The following CADPS variants were observed in gnomAD, a reference collection of about 807,000 sequenced individuals.
CADPS encodes calcium dependent secretion activator.
A neutral mutation model predicts 167.3 loss-of-function variants in CADPS; 57 were observed. That is an observed-to-expected ratio of 0.34 (90% CI 0.28 to 0.42). The LOEUF (loss-of-function observed/expected upper bound fraction) is 0.42, where lower values mean the gene tolerates loss of function less well. CADPS is among the 20% of genes least tolerant of loss of function. The pLI, the probability that CADPS is intolerant of heterozygous loss-of-function variation, is 1.00. For missense variants in CADPS, 1,414 were observed against 1,738.1 expected (o/e 0.81, Z 3.32); for synonymous variants, 676 against 635.3 (o/e 1.06, Z -0.96).
intron 10 of CADPS, among the ~76,000 whole-genome samples, chr3:62,557,139 A>G (rs896422790): frequency 1.4e-4 from 21 of 151,978 alleles, no homozygotes; most frequent in African/African-American, 5.1e-4. Flanking sequence ...GGATACAGGC[A>G]GGTAAAAGAA....
At chr3:62,766,699 T>C (rs78454485) in intron 1 of CADPS, among the ~76,000 whole-genome samples, 2,969 of 152,296 alleles carry the variant, frequency 0.019, 50 homozygotes, top group South Asian at 0.056. Flanking sequence ...CCCACCTTTC[T>C]TTCTTAGGAA....
At chr3:62,541,817 A>G (rs1234487067) in intron 11 of CADPS, among the ~76,000 whole-genome samples, 27 of 152,112 alleles carry the variant, frequency 1.8e-4, no homozygotes, top group Admixed American at 1.8e-3. Flanking sequence ...CACAAATGAA[A>G]ACCATATACT....
intron 13 of CADPS, among the ~76,000 whole-genome samples, chr3:62,526,593 T>C (rs2072290737): frequency 6.6e-6 from 1 of 152,282 alleles, no homozygotes; most frequent in East Asian, 1.9e-4. Context: ...AAAAATATTA[T>C]GGTGAGAATT....
chr3:62,855,274 T>A (rs921882822), intron 1 of CADPS, among the ~76,000 whole-genome samples: 4 of 151,828 alleles, frequency 2.6e-5, no homozygotes, highest in African/African-American at 4.8e-5. Flanking sequence ...TGAGCTCTAT[T>A]CAAAACAAAA....
chr3:62,780,233 T>A (rs1426792974), intron 1 of CADPS, among the ~76,000 whole-genome samples: 1 of 151,982 alleles, frequency 6.6e-6, no homozygotes, highest in Non-Finnish European at 1.5e-5. Context: ...CTGGGCAACA[T>A]AGCAAGATCC....
chr3:62,479,799 C>A (rs112662578), intron 22 of CADPS, among the ~76,000 whole-genome samples: 1 of 152,312 alleles, frequency 6.6e-6, no homozygotes, highest in South Asian at 2.1e-4. Flanking sequence ...AGAATCCACG[C>A]CTTCTTTTCA....
intron 3 of CADPS, among the ~76,000 whole-genome samples, chr3:62,703,746 C>T (rs2081849538): frequency 1.3e-5 from 2 of 152,058 alleles, no homozygotes. Context: ...GAAAAGAAGG[C>T]AAATCATGCT....
chr3:62,695,785 A>C (rs1177600142), intron 3 of CADPS, among the ~76,000 whole-genome samples: 1 of 151,986 alleles, frequency 6.6e-6, no homozygotes, highest in Non-Finnish European at 1.5e-5. Flanking sequence ...ATCCTGCCTC[A>C]ACCTCTCCAG....
chr3:62,741,758 C>G (rs112963304), intron 3 of CADPS, among the ~76,000 whole-genome samples: 3 of 151,996 alleles, frequency 2.0e-5, no homozygotes, highest in African/African-American at 7.2e-5. Context: ...AACACTGTAT[C>G]GGAAGTCTTG....
At chr3:62,805,839 T>C (rs1470802863) in intron 1 of CADPS, among the ~76,000 whole-genome samples, 4 of 152,140 alleles carry the variant, frequency 2.6e-5, no homozygotes. Context: ...GTATTTAATA[T>C]ACTGGCTCCT....
rs112418953 is a variant in CADPS, at chr3:62,846,054, GCTCTCTCT to G, written c.441+28527_441+28534del. 5.3e-4 allele frequency among the ~76,000 whole-genome samples: 79 copies of G among 148,224 alleles called. No individual in the cohort carries two copies. The Middle Eastern group carries it at 0.01, about 20-fold the overall frequency. On this transcript the variant is annotated intron_variant, in intron 1 of 29. Coordinates refer to ENST00000383710, the MANE Select transcript of CADPS (RefSeq NM_003716.4). ...GAAAGTGTATATCATTTCCCCCTTT[GCTCTCTCT>G]CTCTCTCTCTCTCTCTCTCTCCTGC...
Position 62,590,051 on chromosome 3 carries a change from T to C in CADPS, c.1437+2586A>G, listed in dbSNP as rs551948035. On this transcript the variant is annotated intron_variant, in intron 7 of 29. Coordinates refer to ENST00000383710, the MANE Select transcript of CADPS (RefSeq NM_003716.4). ...TAAAAATACAAAAATTAGCCAGATGTGGTGGTAGGCACCTGTAATACCAGC... is the reference window on the plus strand; with the variant it reads ...TAAAAATACAAAAATTAGCCAGATGCGGTGGTAGGCACCTGTAATACCAGC... 3.2e-3 allele frequency among the ~76,000 whole-genome samples: 494 copies of C among 152,148 alleles called. 2 individuals carry two copies. The highest frequency in any genetic ancestry group is 0.011 in the African/African-American group (467 of 41,472).
chr3:62,700,329 A>G (rs2367315), intron 3 of CADPS, among the ~76,000 whole-genome samples: 72,074 of 151,918 alleles, frequency 0.47, 18,136 homozygotes, highest in East Asian at 0.86. Flanking sequence ...GGTTTGTGAC[A>G]CTGAAAACTT....
intron 9 of CADPS, among the ~76,000 whole-genome samples, chr3:62,569,667 T>C (rs2080939364): frequency 6.6e-6 from 1 of 152,174 alleles, no homozygotes; most frequent in South Asian, 2.1e-4. Flanking sequence ...GGTCTCTGAG[T>C]ATAAAGCACT....
chr3:62,591,589 C>A (rs1003530915), intron 7 of CADPS, among the ~76,000 whole-genome samples: 1 of 151,898 alleles, frequency 6.6e-6, no homozygotes, highest in Non-Finnish European at 1.5e-5. Context: ...GAGCAGAAGC[C>A]AAATTAAACG....
intron 16 of CADPS, among the ~76,000 whole-genome samples, chr3:62,513,116 A>T (rs564856655): frequency 1.3e-5 from 2 of 152,252 alleles, no homozygotes; most frequent in Non-Finnish European, 2.9e-5. Flanking sequence ...GGAACAAGGA[A>T]AAGCTTCCCA....
intron 3 of CADPS, among the ~76,000 whole-genome samples, chr3:62,739,722 T>A (rs559199194): frequency 3.3e-5 from 5 of 152,306 alleles, no homozygotes; most frequent in African/African-American, 9.6e-5. Context: ...AAAGAAGCAG[T>A]CTTTTAAAGC....
chr3:62,540,923 CAG>C (rs1349845391), intron 11 of CADPS, among the ~76,000 whole-genome samples: 1 of 152,074 alleles, frequency 6.6e-6, no homozygotes, highest in African/African-American at 2.4e-5. Flanking sequence ...GAAAACAGCC[CAG>C]AGCAAGCAGT....
At chr3:62,437,294 T>C (rs2055300551) in intron 28 of CADPS, among the ~76,000 whole-genome samples, 1 of 151,450 alleles carries the variant, frequency 6.6e-6, no homozygotes, top group African/African-American at 2.4e-5. Flanking sequence ...TAGCCTCATC[T>C]GCTTTGGCCT....
Sources: gnomAD v4.1 joint callset for allele counts (sites outside exome capture counted in the v4.1 genomes callset) on GRCh38, gnomAD v4.1.1 for gene constraint, MANE v1.5 for transcripts, NCBI Gene and HGNC (gene_info 2026-07-23, HGNC 2026-07-21) for gene names.